The following RAB43 variants were observed in gnomAD, a reference collection of about 807,000 sequenced individuals.
The protein encoded by RAB43 is ras-related protein Rab-43.
RAB43 carries 6 observed loss-of-function variants against 18.8 expected under a neutral mutation model. The observed-to-expected ratio is 0.32, with a 90% CI of 0.17 to 0.63. RAB43 has a LOEUF of 0.63. Among genes scored for constraint, RAB43 ranks in the 30% least tolerant of loss-of-function variants. The pLI is 0.79. For synonymous variants in RAB43, 103 were observed against 124.1 expected (o/e 0.83, Z 1.13); for missense variants, 195 against 289.1 (o/e 0.67, Z 2.36).
intron 1 of RAB43, among the ~76,000 whole-genome samples, chr3:129,114,838 T>G (rs1935418330): frequency 6.6e-6 from 1 of 152,290 alleles, no homozygotes; most frequent in Admixed American, 6.5e-5. Context: ...TAGCTCTATT[T>G]CTAGTACGAG....
Position 129,090,930 on chromosome 3 carries a change from G to A in RAB43, c.*166C>T. 1 of 544,912 alleles carries A rather than the reference G, an allele frequency of 1.8e-6. No homozygotes were observed. 33.8% of individuals were successfully genotyped at this position (544,912 alleles called of 1,614,324 possible). On this transcript the variant is annotated 3_prime_UTR_variant, in exon 3 of 3. Transcript: ENST00000315150. ...GGGTATCCTGCTTCCCCTTCCTCAA[G>A]GAGAGCCTCCATCCCGCAGCCAGGC...
At chr3:129,102,373 G>A (rs1934472993) in intron 1 of RAB43, among the ~76,000 whole-genome samples, 1 of 152,144 alleles carries the variant, frequency 6.6e-6, no homozygotes, top group Non-Finnish European at 1.5e-5. Context: ...GCTCACACCT[G>A]TAATCCCAGC....
chr3:129,104,115 A>G (rs528835082), intron 1 of RAB43, among the ~76,000 whole-genome samples: 27 of 152,232 alleles, frequency 1.8e-4, no homozygotes, highest in Non-Finnish European at 3.5e-4. Context: ...GGAGGAGAGT[A>G]CTGAGGACCA....
intron 1 of RAB43, among the ~76,000 whole-genome samples, chr3:129,110,566 C>T (rs909222563): frequency 2.0e-5 from 3 of 152,288 alleles, no homozygotes; most frequent in African/African-American, 4.8e-5. Flanking sequence ...TGGCTGGGCG[C>T]GGTGGCTCAC....
chr3:129,110,645 T>C (rs1935102882), intron 1 of RAB43, among the ~76,000 whole-genome samples: 1 of 152,122 alleles, frequency 6.6e-6, no homozygotes, highest in Non-Finnish European at 1.5e-5. Flanking sequence ...AAGACGATCC[T>C]GACTAACATG....
At position 129,118,562 on chromosome 3, in the gene RAB43, T is replaced by G. The variant is rs377537557; in HGVS notation, c.204+2724A>C. Among the ~76,000 whole-genome samples the G allele has an allele frequency of 1.7e-4, 26 of 152,274 alleles. 3 individuals are homozygous for G. The highest frequency in any genetic ancestry group is 5.9e-4 in the Admixed American group (9 of 15,284). On this transcript the variant is annotated intron_variant, in intron 1 of 2. Coordinates refer to ENST00000315150, the MANE Select transcript of RAB43 (RefSeq NM_198490.3). ...AGAAAACCACCAGGTGATCCATCTC[T>G]AAGCTTCCTGAAGCTCTAATAAAAC...
Position 129,112,454 on chromosome 3 carries a change from G to C in RAB43, c.204+8832C>G, listed in dbSNP as rs1396834826. ...TCAAAGAATAACAGAGCCTAGAGAG[G>C]CTTCTGAGATCACCCAGTCTCACTT... On this transcript the variant is annotated intron_variant, in intron 1 of 2. Transcript: ENST00000315150. Among the ~76,000 whole-genome samples the C allele has an allele frequency of 3.9e-5, 6 of 152,240 alleles. No individual in the cohort carries two copies. In the East Asian group the frequency reaches 1.2e-3, roughly 29 times the overall value.
At chr3:129,097,334 A>T (rs902601530) in intron 1 of RAB43, among the ~76,000 whole-genome samples, 4 of 152,206 alleles carry the variant, frequency 2.6e-5, no homozygotes, top group Admixed American at 2.6e-4. Context: ...AACAGGCAAG[A>T]AGAAAGAACA....
Position 129,121,435 on chromosome 3 carries a change from A to T in RAB43, c.55T>A (p.Phe19Ile). ...GDPDEQYDFL[F>I]KLVLVGDASV... ...GCGTCGCCCACCAGCACCAGCTTGAACAGGAAATCGTACTGCTCGTCCGGG... is the reference window on the plus strand; with the variant it reads ...GCGTCGCCCACCAGCACCAGCTTGATCAGGAAATCGTACTGCTCGTCCGGG... The change falls in exon 1 of 3, where the codon TTC (phenylalanine) becomes ATC (isoleucine). Residue 19 changes from phenylalanine to isoleucine, a missense_variant. Transcript: ENST00000315150. 2 of 1,613,280 alleles carry T rather than the reference A, an allele frequency of 1.2e-6. No homozygotes were observed. Among genetic ancestry groups the T allele is most frequent in the Non-Finnish European group, 1.7e-6 (2 of 1,179,652 alleles).
intron 1 of RAB43, among the ~76,000 whole-genome samples, chr3:129,106,576 C>A (rs1431014157): frequency 6.6e-6 from 1 of 152,194 alleles, no homozygotes; most frequent in African/African-American, 2.4e-5. Context: ...AAGGACACAG[C>A]CTGCCACCAT....
intron 1 of RAB43, among the ~76,000 whole-genome samples, chr3:129,104,298 C>A (rs1442924589): frequency 6.6e-6 from 1 of 152,228 alleles, no homozygotes; most frequent in Non-Finnish European, 1.5e-5. Flanking sequence ...TCTCCTCCTG[C>A]ACACTCACCT....
chr3:129,106,180 T>A (rs1934771191), intron 1 of RAB43, among the ~76,000 whole-genome samples: 1 of 152,188 alleles, frequency 6.6e-6, no homozygotes, highest in Non-Finnish European at 1.5e-5. Flanking sequence ...CATCTGTCCC[T>A]CCCAATGGAA....
intron 1 of RAB43, among the ~76,000 whole-genome samples, chr3:129,118,954 A>T (rs75297582): frequency 0.01 from 1,556 of 152,298 alleles, 98 homozygotes; most frequent in Admixed American, 0.086. Context: ...CAAAAAACAG[A>T]TCGGGGGTTG....
In RAB43 at chr3:129,106,116, C is replaced by T. The variant is rs117946733; in HGVS notation, c.205-10947G>A. Reference sequence around the variant, plus strand: ...GATGTGCCCCAGTGGGAAATCAATCCTGCTTACTAGGTTAAAAGCACCACT... The same window carrying T: ...GATGTGCCCCAGTGGGAAATCAATCTTGCTTACTAGGTTAAAAGCACCACT... On this transcript the variant is annotated intron_variant, in intron 1 of 2. Transcript: ENST00000315150. Among the ~76,000 whole-genome samples the T allele has an allele frequency of 4.5e-4, 68 of 152,308 alleles. 1 individual carries two copies. In the East Asian group the frequency reaches 0.012, roughly 27 times the overall value.
At chr3:129,120,308 A>G (rs926611702) in intron 1 of RAB43, among the ~76,000 whole-genome samples, 5 of 152,208 alleles carry the variant, frequency 3.3e-5, no homozygotes, top group African/African-American at 1.2e-4. Flanking sequence ...CCACCCGGAG[A>G]GGCAGAGCCC....
intron 1 of RAB43, among the ~76,000 whole-genome samples, chr3:129,096,069 A>G (rs539558333): frequency 6.6e-6 from 1 of 152,354 alleles, no homozygotes; most frequent in South Asian, 2.1e-4. Context: ...GGCTCTCTGA[A>G]GACTGACACC....
At chr3:129,105,305 T>C (rs1934698596) in intron 1 of RAB43, among the ~76,000 whole-genome samples, 1 of 151,716 alleles carries the variant, frequency 6.6e-6, no homozygotes, top group Admixed American at 6.6e-5. Flanking sequence ...ATACAAAAAT[T>C]AGCTGGGCAT....
Position 129,090,906 on chromosome 3 carries a change from G to A in RAB43, c.*190C>T, listed in dbSNP as rs1933600821. On this transcript the variant is annotated 3_prime_UTR_variant, in exon 3 of 3. Transcript: ENST00000315150. ...GCTGGCTGGCAGGGTGGCCCGCCAG[G>A]GTATCCTGCTTCCCCTTCCTCAAGG... 2 of 496,644 alleles carry A rather than the reference G, an allele frequency of 4.0e-6. No homozygotes were observed. Among genetic ancestry groups the A allele is most frequent in the Admixed American group, 3.8e-5 (1 of 26,284 alleles). 30.8% of individuals were successfully genotyped at this position (496,644 alleles called of 1,614,324 possible).
At chr3:129,110,598 G>A (rs938861393) in intron 1 of RAB43, among the ~76,000 whole-genome samples, 9 of 152,184 alleles carry the variant, frequency 5.9e-5, no homozygotes, top group Non-Finnish European at 1.0e-4. Context: ...CAGCACTTTG[G>A]GAGGCTGAGG....
Sources: allele counts gnomAD v4.1 joint callset (sites outside exome capture counted in the v4.1 genomes callset), GRCh38; gene constraint gnomAD v4.1.1; transcripts MANE v1.5; gene names NCBI Gene and HGNC (gene_info 2026-07-23, HGNC 2026-07-21).